BCAS3: variants seen among roughly 807,000 people sequenced by gnomAD.
BCAS3 encodes BCAS4/BCAS3 fusion.
Under a neutral mutation model 116.1 loss-of-function variants are expected in BCAS3, and 53 were observed. That is an observed-to-expected ratio of 0.46 (90% confidence interval 0.37 to 0.57). BCAS3 has a LOEUF of 0.57. BCAS3 is among the 20% of genes least tolerant of loss of function. The probability of loss-of-function intolerance (pLI) is 0.00; values close to 1 mark genes in which losing one functional copy is unlikely to be tolerated. For missense variants in BCAS3, 917 were observed against 1,165.4 expected (o/e 0.79, Z 3.10); for synonymous variants, 391 against 408.2 (o/e 0.96, Z 0.51).
chr17:61,023,617 T>G lies in BCAS3; in HGVS notation c.1637+7716T>G, dbSNP rs1438503245. On this transcript the variant is annotated intron_variant, in intron 16 of 23. Transcript: ENST00000407086. This position sits in a 1 kb window ranked among gnomAD's most constrained non-coding sequence, Gnocchi z 4.8. Reference sequence around the variant, plus strand: ...TTTTCAGCTAGTAAGATTGAAGACTTTGTGGCACCATGTGGCATTCAACAA... The same window carrying G: ...TTTTCAGCTAGTAAGATTGAAGACTGTGTGGCACCATGTGGCATTCAACAA... Among the ~76,000 whole-genome samples the G allele has an allele frequency of 6.6e-6, 1 of 152,134 alleles. No homozygotes were observed. The highest frequency in any genetic ancestry group is 1.9e-4 in the East Asian group (1 of 5,184).
At chr17:61,350,474 A>C (rs1461155741) in intron 22 of BCAS3, among the ~76,000 whole-genome samples, 2 of 151,564 alleles carry the variant, frequency 1.3e-5, no homozygotes, top group Non-Finnish European at 2.9e-5. Context: ...GTATGTATTT[A>C]AGGTATGCCC....
intron 14 of BCAS3, among the ~76,000 whole-genome samples, chr17:60,948,652 G>A (rs1265167930): frequency 6.6e-6 from 1 of 152,016 alleles, no homozygotes; most frequent in East Asian, 1.9e-4. Context: ...CAAAATAAAT[G>A]ACTATAATGG....
intron 23 of BCAS3, among the ~76,000 whole-genome samples, chr17:61,373,806 T>A (rs1568967563): frequency 8.3e-6 from 1 of 121,088 alleles, no homozygotes; most frequent in African/African-American, 3.5e-5. Flanking sequence ...TTCTTCTTCT[T>A]TGTTTTTTTT....
At chr17:60,889,671 A>G (rs1373080726) in intron 9 of BCAS3, 24 bp from the exon 10 acceptor site, 4 of 1,590,534 alleles carry the variant, frequency 2.5e-6, no homozygotes, top group Admixed American at 1.7e-5. Flanking sequence ...AAATTTCTCA[A>G]TAGTGCCATT....
At position 61,316,499 on chromosome 17, in the gene BCAS3, C is replaced by T. The variant is rs913792526; in HGVS notation, c.2426-51828C>T. 6.6e-6 allele frequency among the ~76,000 whole-genome samples: 1 copy of T among 152,098 alleles called. No homozygotes were observed. Among genetic ancestry groups the T allele is most frequent in the African/African-American group, 2.4e-5 (1 of 41,422 alleles). On this transcript the variant is annotated intron_variant, in intron 22 of 23. Transcript: ENST00000407086. The surrounding 1 kb of genome is among the most constrained non-coding windows in gnomAD (Gnocchi z 5.8). Reference sequence around the variant, plus strand: ...ATGCCCCTCACCCAGCACCTCTGCCCTCCTATTTGCCTCCACATGCCGCCG... The same window carrying T: ...ATGCCCCTCACCCAGCACCTCTGCCTTCCTATTTGCCTCCACATGCCGCCG...
At chr17:61,111,516 C>T (rs1342283726) in intron 22 of BCAS3, among the ~76,000 whole-genome samples, 212 of 151,564 alleles carry the variant, frequency 1.4e-3, no homozygotes, top group African/African-American at 4.3e-3. Context: ...TGAAATGAAG[C>T]GAGAAGGGAA....
intron 5 of BCAS3, chr17:60,727,428 G>A: frequency 6.3e-7 from 1 of 1,597,884 alleles, no homozygotes; most frequent in East Asian, 2.3e-5. Flanking sequence ...TTGTGAGGCT[G>A]ATGCTTGCCA....
At chr17:61,298,819 T>A (rs1420381670) in intron 22 of BCAS3, among the ~76,000 whole-genome samples, 1 of 98,094 alleles carries the variant, frequency 1.0e-5, no homozygotes, top group Admixed American at 8.7e-5. Flanking sequence ...TATTTATTTA[T>A]TTATTATTAT....
At chr17:61,038,575 T>C (rs1169991875) in intron 18 of BCAS3, among the ~76,000 whole-genome samples, 1 of 151,844 alleles carries the variant, frequency 6.6e-6, no homozygotes, top group Non-Finnish European at 1.5e-5. Flanking sequence ...TTTATATAAA[T>C]GGAATCATAT....
chr17:61,035,602 A>G (rs973056487), intron 17 of BCAS3, among the ~76,000 whole-genome samples: 3 of 150,658 alleles, frequency 2.0e-5, no homozygotes, highest in African/African-American at 7.3e-5. Flanking sequence ...AAAAAAAAAA[A>G]GAGGAAACAG....
intron 22 of BCAS3, among the ~76,000 whole-genome samples, chr17:61,237,267 T>G (rs1480358234): frequency 1.3e-5 from 2 of 152,112 alleles, no homozygotes; most frequent in East Asian, 3.9e-4. Flanking sequence ...AATGCACCAA[T>G]CAGCGCTCTG....
chr17:60,841,737 C>T (rs1463951402), intron 7 of BCAS3, among the ~76,000 whole-genome samples: 1 of 151,878 alleles, frequency 6.6e-6, no homozygotes, highest in African/African-American at 2.4e-5. Flanking sequence ...TGGTTCATTA[C>T]CTTAGGTCTT....
intron 6 of BCAS3, among the ~76,000 whole-genome samples, chr17:60,768,879 G>T (rs940441728): frequency 6.6e-6 from 1 of 152,184 alleles, no homozygotes; most frequent in Non-Finnish European, 1.5e-5. Flanking sequence ...CCAGGCATGT[G>T]GGCAGCTTCT....
intron 12 of BCAS3, among the ~76,000 whole-genome samples, chr17:60,917,847 T>G (rs1281642245): frequency 2.6e-5 from 4 of 152,186 alleles, no homozygotes; most frequent in Non-Finnish European, 5.9e-5. Context: ...CCTGCCTTGG[T>G]GTCCCAAAGT....
Position 61,349,044 on chromosome 17 carries a change from G to A in BCAS3, c.2426-19283G>A, listed in dbSNP as rs974970055. Among the ~76,000 whole-genome samples the A allele has an allele frequency of 2.0e-5, 3 of 151,762 alleles. No individual in the cohort carries two copies. Among genetic ancestry groups the A allele is most frequent in the Admixed American group, 6.6e-5 (1 of 15,258 alleles). On this transcript the variant is annotated intron_variant, in intron 22 of 23. Transcript: ENST00000407086. The surrounding 1 kb of genome is among the most constrained non-coding windows in gnomAD (Gnocchi z 4.7). Reference sequence around the variant, plus strand: ...TGGGATTACAGGCGTGAGCCACCGTGCCCGGCCCTCTTGGGCAGAGATTCT... The same window carrying A: ...TGGGATTACAGGCGTGAGCCACCGTACCCGGCCCTCTTGGGCAGAGATTCT...
At chr17:61,336,529 C>T (rs570514815) in intron 22 of BCAS3, among the ~76,000 whole-genome samples, 86 of 152,310 alleles carry the variant, frequency 5.6e-4, no homozygotes, top group African/African-American at 1.8e-3. Context: ...AGCCCAGCTA[C>T]GCTGGCAGCA....
intron 11 of BCAS3, among the ~76,000 whole-genome samples, chr17:60,904,404 A>AAAAC (rs202152626): frequency 1.4e-3 from 205 of 151,662 alleles, no homozygotes; most frequent in Non-Finnish European, 1.8e-3. Context: ...ACTCTGTCTC[A>AAAAC]AAACAAACAA....
intron 16 of BCAS3, among the ~76,000 whole-genome samples, chr17:61,018,635 C>A (rs1279008418): frequency 6.6e-6 from 1 of 152,020 alleles, no homozygotes; most frequent in African/African-American, 2.4e-5. Context: ...TTTGCTTTAT[C>A]ATTCATATTC....
intron 22 of BCAS3, among the ~76,000 whole-genome samples, chr17:61,336,202 G>A (rs1449990422): frequency 6.6e-6 from 1 of 152,276 alleles, no homozygotes; most frequent in Non-Finnish European, 1.5e-5. Flanking sequence ...GATCTGTAAA[G>A]TGGATTTGTT....
Sources: allele counts gnomAD v4.1 joint callset (sites outside exome capture counted in the v4.1 genomes callset), GRCh38; gene constraint gnomAD v4.1.1; non-coding constraint Gnocchi (gnomAD v3.1); transcripts MANE v1.5; gene names NCBI Gene and HGNC (gene_info 2026-07-23, HGNC 2026-07-21).